ASAH2: variants seen among roughly 807,000 people sequenced by gnomAD.
ASAH2 encodes the protein neutral ceramidase.
ASAH2 carries 58 observed loss-of-function variants against 82.9 expected under a neutral mutation model. That is an observed-to-expected ratio of 0.70 (90% confidence interval 0.57 to 0.87). The LOEUF is 0.87. ASAH2 is among the 40% of genes least tolerant of loss of function. ASAH2 has a pLI of 0.00. For synonymous variants in ASAH2, 276 were observed against 289.7 expected (o/e 0.95, Z 0.48); for missense variants, 779 against 834.0 (o/e 0.93, Z 0.81).
chr10:50,239,549 A>G (rs1365025917), intron 4 of ASAH2, among the ~76,000 whole-genome samples: 2 of 152,180 alleles, frequency 1.3e-5, no homozygotes, highest in African/African-American at 4.8e-5. Flanking sequence ...GCAGTATAGT[A>G]TAGTAGAAAT....
chr10:50,234,611 C>T, intron 5 of ASAH2, 59 bp from the exon 6 acceptor site: 1 of 1,610,274 alleles, frequency 6.2e-7, no homozygotes, highest in Non-Finnish European at 8.5e-7. Flanking sequence ...GGGACAATAA[C>T]TTAGTCAATA....
chr10:50,223,314 A>C (rs1845795728), intron 7 of ASAH2, among the ~76,000 whole-genome samples: 1 of 152,158 alleles, frequency 6.6e-6, no homozygotes, highest in Non-Finnish European at 1.5e-5. Context: ...GATTCCATGC[A>C]CTCAGACCTG....
chr10:50,211,171 G>A (rs1845445392), intron 10 of ASAH2, 37 bp from the exon 11 acceptor site: 1 of 1,433,016 alleles, frequency 7.0e-7, no homozygotes, highest in Non-Finnish European at 9.9e-7. Context: ...CAAGCAAAAA[G>A]GCTAAAGTGA....
At chr10:50,201,004 G>A (rs918289545) in intron 16 of ASAH2, among the ~76,000 whole-genome samples, 34,739 of 151,636 alleles carry the variant, frequency 0.23, 4,822 homozygotes, top group Non-Finnish European at 0.32. Context: ...AGCTCCACAA[G>A]CAGACAAGGA....
intron 7 of ASAH2, among the ~76,000 whole-genome samples, chr10:50,232,398 G>T (rs1846042379): frequency 6.6e-6 from 1 of 152,034 alleles, no homozygotes; most frequent in Non-Finnish European, 1.5e-5. Context: ...ATAAGGACAA[G>T]AGCCCAGAGT....
intron 4 of ASAH2, among the ~76,000 whole-genome samples, chr10:50,242,043 T>TA (rs1420470946): frequency 2.0e-5 from 3 of 151,742 alleles, no homozygotes; most frequent in East Asian, 1.9e-4. Context: ...AATAAAAAAT[T>TA]AAAAAAAAGA....
At chr10:50,218,721 G>A in intron 7 of ASAH2, 91 bp from the exon 8 acceptor site, 1 of 1,464,224 alleles carries the variant, frequency 6.8e-7, no homozygotes, top group Non-Finnish European at 9.6e-7. Flanking sequence ...TTCTCCAGCA[G>A]GAAAAAATAT....
Position 50,245,391 on chromosome 10 carries a change from G to A in ASAH2, c.191C>T (p.Ala64Val). 1 of 1,613,928 alleles carries A rather than the reference G, an allele frequency of 6.2e-7. No individual in the cohort carries two copies. Among genetic ancestry groups the A allele is most frequent in the Non-Finnish European group, 8.5e-7 (1 of 1,179,940 alleles). Reference protein sequence around the residue: ...SPPATQGSTAAQRSTATQHST... With the variant: ...SPPATQGSTAVQRSTATQHST... ...ATGCTGGGTGGCTGTGGAGCGTTGG[G>A]CAGCTGTGGAGCCCTGGGTGGCTGG... Residue 64 changes from alanine (A) to valine (V), a missense_variant, in exon 3 of 21, where the codon GCC becomes GTC. Physicochemically the swap from Ala to Val is moderately conservative, Grantham distance 64. Around this residue, in one of 3 missense-constraint regions of ASAH2, gnomAD observed 759 missense variants for 755.2 expected, o/e 1.00. Coordinates refer to ENST00000682911, the MANE Select transcript of ASAH2 (RefSeq NM_019893.4).
chr10:50,246,538 T>C lies in ASAH2; in HGVS notation c.128-1084A>G, dbSNP rs551981297. Among the ~76,000 whole-genome samples the C allele has an allele frequency of 2.6e-5, 4 of 152,344 alleles. No individual in the cohort carries two copies. The South Asian group carries it at 8.3e-4, about 32-fold the overall frequency. On this transcript the variant is annotated intron_variant, in intron 2 of 20. Transcript: ENST00000682911. The stretch of plus-strand genomic sequence containing the variant: ...TAGGCAAGAGATTTATAGCTGATTC[T>C]TTCTGAAATCCTGGAAATTCAGAGC...
chr10:50,211,082 T>C lies in ASAH2; in HGVS notation c.1280A>G (p.His427Arg). 6.2e-7 allele frequency: 1 copy of C among 1,613,668 alleles called. No homozygotes were observed. The highest frequency in any genetic ancestry group is 8.5e-7 in the Non-Finnish European group (1 of 1,179,730). Residue 427 changes from histidine (H) to arginine (R), a missense_variant, in exon 11 of 21, where the codon CAC (histidine) becomes CGC (arginine). By Grantham distance (29) the His-to-Arg change is conservative. Transcript: ENST00000682911. ...QEVTGPLASA[H>R]QWVDMTDVTV... ...CACATCTGTCATATCCACCCACTGG[T>C]GTGCTGAAGCCAGTGGTCCTGTTAC...
intron 8 of ASAH2, among the ~76,000 whole-genome samples, chr10:50,217,538 T>C (rs1845637311): frequency 1.3e-5 from 2 of 152,102 alleles, no homozygotes; most frequent in Non-Finnish European, 2.9e-5. Flanking sequence ...CCTCGTCTGT[T>C]TTCTGTCATG....
intron 12 of ASAH2, 74 bp downstream of exon 12, chr10:50,210,749 T>G: frequency 8.0e-7 from 1 of 1,252,950 alleles, no homozygotes; most frequent in Non-Finnish European, 1.2e-6. Context: ...TTGGCTACAA[T>G]GAAACCTGAT....
At chr10:50,233,042 G>A in intron 7 of ASAH2, 142 bp downstream of exon 7, 1 of 755,148 alleles carries the variant, frequency 1.3e-6, no homozygotes, top group Admixed American at 2.0e-5. Context: ...CTGGACCCCA[G>A]TTGTGTCTGA....
At chr10:50,210,067 C>A (rs1326355625) in intron 12 of ASAH2, among the ~76,000 whole-genome samples, 1 of 152,098 alleles carries the variant, frequency 6.6e-6, no homozygotes, top group Non-Finnish European at 1.5e-5. Flanking sequence ...AACAAACACC[C>A]ACATAAAAAT....
At chr10:50,221,515 A>G (rs1845742064) in intron 7 of ASAH2, among the ~76,000 whole-genome samples, 1 of 152,156 alleles carries the variant, frequency 6.6e-6, no homozygotes, top group Non-Finnish European at 1.5e-5. Flanking sequence ...CTTTGAGTCA[A>G]GTACTATCAT....
chr10:50,209,864 T>C (rs1236346977), intron 12 of ASAH2, among the ~76,000 whole-genome samples: 2 of 152,144 alleles, frequency 1.3e-5, no homozygotes, highest in Non-Finnish European at 2.9e-5. Context: ...CTAAGGTAGC[T>C]AGATTCAGTA....
intron 4 of ASAH2, among the ~76,000 whole-genome samples, chr10:50,236,611 A>T (rs1449197491): frequency 6.6e-6 from 1 of 152,196 alleles, no homozygotes; most frequent in Non-Finnish European, 1.5e-5. Context: ...ACAAAATAAT[A>T]ATAACAATAC....
rs1460824064 is a variant in ASAH2 at position 50,213,023 on chromosome 10, A to G, written c.1176T>C (p.Asp392=). Residue 392 remains aspartate, a synonymous_variant, in exon 10 of 21, where the codon GAT becomes GAC. Transcript: ENST00000682911. ...SMCIAKGPGQ[D]MFDSTQIIGR... ...CTATAATTTGTGTGCTGTCAAACAT[A>G]TCCTGTCCAGGTCCCTTAGCAATGC... 21 of 1,613,790 alleles carry G rather than the reference A, an allele frequency of 1.3e-5. No homozygotes were observed. Among genetic ancestry groups the G allele is most frequent in the African/African-American group, 1.1e-4 (8 of 75,026 alleles).
At position 50,211,110 on chromosome 10, in the gene ASAH2, C is replaced by A. The variant is rs1845443874; in HGVS notation, c.1252G>T (p.Glu418Ter). 6.8e-6 allele frequency: 11 copies of A among 1,613,508 alleles called. No individual in the cohort carries two copies. In the Admixed American group the frequency reaches 8.3e-5, roughly 12 times the overall value. The change falls in exon 11 of 21, where the codon GAG becomes TAG. Residue 418 changes from glutamate to a stop codon, truncating the protein, a stop_gained. Coordinates refer to ENST00000682911, the MANE Select transcript of ASAH2 (RefSeq NM_019893.4). LOFTEE classifies it high-confidence loss of function. ...AKELYASASQ[E>*]VTGPLASAHQ... ...GCTGAAGCCAGTGGTCCTGTTACCT[C>A]CTGGGAGGCAGAGGCATAGAGTTCC...
Sources: allele counts gnomAD v4.1 joint callset (sites outside exome capture counted in the v4.1 genomes callset), GRCh38; gene constraint gnomAD v4.1.1; regional missense constraint gnomAD v4.1.1; transcripts MANE v1.5; gene names NCBI Gene and HGNC (gene_info 2026-07-23, HGNC 2026-07-21).